The following KRT3 variants were observed in gnomAD, a reference collection of about 807,000 sequenced individuals.
The protein encoded by KRT3 is keratin, type II cytoskeletal 3.
A neutral mutation model predicts 45.8 loss-of-function variants in KRT3; 34 were observed. The ratio of observed to expected loss-of-function variants is 0.74; its 90% CI spans 0.57 to 0.99. KRT3 has a LOEUF of 0.99. KRT3 is among the 50% of genes least tolerant of loss of function. The pLI is 0.00. For synonymous variants in KRT3, 367 were observed against 329.0 expected, an observed-to-expected ratio of 1.12 and a Z score of -1.25; for missense variants, 828 against 820.6, an observed-to-expected ratio of 1.01 and a Z score of -0.11.
chr12:52,793,665 C>G (rs1332041885), intron 2 of KRT3, among the ~76,000 whole-genome samples: 1 of 152,140 alleles, frequency 6.6e-6, no homozygotes, highest in Non-Finnish European at 1.5e-5. Context: ...AATCTTGACT[C>G]ACTGCAACCT....
Position 52,790,827 on chromosome 12 carries a change from TC to T in KRT3, c.1570+10del. 2.5e-6 allele frequency: 4 copies of T among 1,588,112 alleles called. No individual in the cohort carries two copies. Among genetic ancestry groups the T allele is most frequent in the Non-Finnish European group, 3.4e-6 (4 of 1,165,478 alleles). Reference sequence around the variant, plus strand: ...TTAACTCTCATTTTCTTAGCTACTTTCGGTACTTACAGATGCTGACAGCACT... The same window carrying T: ...TTAACTCTCATTTTCTTAGCTACTTTGGTACTTACAGATGCTGACAGCACT... On this transcript the variant is annotated intron_variant, in intron 8 of 8. Transcript: ENST00000417996.
chr12:52,790,177 G>A lies in KRT3; in HGVS notation c.1752C>T (p.Ser584=), dbSNP rs1342920506. 37 of 1,548,228 alleles carry A rather than the reference G, an allele frequency of 2.4e-5. No individual in the cohort carries two copies. Among genetic ancestry groups the A allele is most frequent in the Admixed American group, 3.9e-5 (2 of 50,972 alleles). The change falls in exon 9 of 9, where the codon AGC becomes AGT. Residue 584 remains serine, a synonymous_variant. Coordinates refer to ENST00000417996, the MANE Select transcript of KRT3 (RefSeq NM_057088.3). ...AGATGGAGCCAAAGCCGCTGCCACC[G>A]CTGAAACCGCTGCTGCCGCCGCCAA... is the stretch of plus-strand genomic sequence containing the variant. ...GGFGGGSSGF[S]GGSGFGSISG...
chr12:52,795,514 G>A lies in KRT3; in HGVS notation c.529C>T (p.Gln177Ter). 6.2e-7 allele frequency: 1 copy of A among 1,614,124 alleles called. No homozygotes were observed. Among genetic ancestry groups the A allele is most frequent in the Non-Finnish European group, 8.5e-7 (1 of 1,180,022 alleles). ...PGGIQEVTIN[Q>*]SLLQPLNVEI... ...ACATTGAGGGGCTGCAGGAGACTCT[G>A]GTTGATAGTCACTTCCTGAATTCCC... The change falls in exon 1 of 9, where the codon CAG (glutamine) becomes TAG (stop). Residue 177 changes from glutamine (Q) to a stop codon, truncating the protein, a stop_gained. Transcript: ENST00000417996. LOFTEE classifies it high-confidence loss of function.
chr12:52,795,662 C>T lies in KRT3; in HGVS notation c.381G>A (p.Gly127=), dbSNP rs117364830. The T allele has an allele frequency of 1.3e-6, 2 of 1,527,640 alleles. No individual in the cohort carries two copies. The highest frequency in any genetic ancestry group is 2.5e-5 in the South Asian group (2 of 80,518). The allele number at this position is 1,527,640 out of a possible 1,614,324, so 94.6% of individuals were successfully genotyped here. Residue 127 remains glycine, a synonymous_variant, in exon 1 of 9, where the codon GGG becomes GGA. Coordinates refer to ENST00000417996, the MANE Select transcript of KRT3 (RefSeq NM_057088.3). ...GGFGGAGGFG[G]AGGFGGAGGF... Reference sequence around the variant, plus strand: ...CACCAGCCCCTCCAAAGCCACCAGCCCCTCCAAAGCCACCAGCTCCACCAA... The same window carrying T: ...CACCAGCCCCTCCAAAGCCACCAGCTCCTCCAAAGCCACCAGCTCCACCAA...
rs778798350 is a variant in KRT3 at position 52,791,336 on chromosome 12, C to T, written c.1405G>A (p.Ala469Thr). Residue 469 changes from alanine to threonine, a missense_variant, in exon 7 of 9, where the codon GCT becomes ACT. Ala to Thr is a moderately conservative substitution (Grantham distance 58). Transcript: ENST00000417996. ...DANAKLQELQ[A>T]ALQQAKDDLA... ...TCATCCTTCGCCTGCTGTAGAGCAGCCTGCAGCTCTTGGAGCTTGGCATTG... is the reference window on the plus strand; with the variant it reads ...TCATCCTTCGCCTGCTGTAGAGCAGTCTGCAGCTCTTGGAGCTTGGCATTG... 1 of 1,614,264 alleles carries T rather than the reference C, an allele frequency of 6.2e-7. No individual in the cohort carries two copies. Among genetic ancestry groups the T allele is most frequent in the Non-Finnish European group, 8.5e-7 (1 of 1,180,050 alleles).
In KRT3 at chr12:52,791,399, C is replaced by T. The variant is rs371219499; in HGVS notation, c.1342G>A (p.Glu448Lys). 2.6e-4 allele frequency: 412 copies of T among 1,614,178 alleles called. 3 individuals carry two copies. The highest frequency in any genetic ancestry group is 2.5e-3 in the South Asian group (230 of 91,084). Residue 448 changes from glutamate to lysine, a missense_variant, in exon 7 of 9, where the codon GAG becomes AAG. Physicochemically the swap from Glu to Lys is moderately conservative, Grantham distance 56. Transcript: ENST00000417996. ...QNANLQTAIAEAEQHGEMALK... is the reference protein window; with the variant it reads ...QNANLQTAIAKAEQHGEMALK... Reference sequence around the variant, plus strand: ...GCCATCTCTCCATGCTGCTCGGCCTCGGCAATGGCCGTCTGCAGGTTGGCA... The same window carrying T: ...GCCATCTCTCCATGCTGCTCGGCCTTGGCAATGGCCGTCTGCAGGTTGGCA...
At position 52,790,357 on chromosome 12, in the gene KRT3, G is replaced by A; in HGVS notation, c.1572C>T (p.Ser524=). The A allele has an allele frequency of 6.3e-7, 1 of 1,594,510 alleles. No individual in the cohort carries two copies. The highest frequency in any genetic ancestry group is 1.2e-5 in the South Asian group (1 of 86,892). The change falls in exon 9 of 9, where the codon TCC becomes TCT. Residue 524 remains serine, a splice_region_variant and synonymous_variant. Transcript: ENST00000417996. ...SGECPSAVSI[S]VVSSSTTSAS... ...CGGAAGTCGTGCTGCTGCTGACCAC[G>A]GCTGTGGGGGAGAGGACAGGACAGC...
chr12:52,795,500 C>A lies in KRT3; in HGVS notation c.543G>T (p.Gln181His), dbSNP rs757824527. The part of the protein sequence containing the change: ...QEVTINQSLL[Q>H]PLNVEIDPQI... ...GGGGGTCGATCTCCACATTGAGGGG[C>A]TGCAGGAGACTCTGGTTGATAGTCA... is the stretch of plus-strand genomic sequence containing the variant. The change falls in exon 1 of 9, where the codon CAG becomes CAT. Residue 181 changes from glutamine to histidine, a missense_variant. Coordinates refer to ENST00000417996, the MANE Select transcript of KRT3 (RefSeq NM_057088.3). 3.7e-6 allele frequency: 6 copies of A among 1,614,172 alleles called. No homozygotes were observed. The highest frequency in any genetic ancestry group is 4.5e-5 in the East Asian group (2 of 44,876).
rs1176134264 is a variant in KRT3, at chr12:52,791,516, G to A, written c.1315-90C>T. On this transcript the variant is annotated intron_variant, in intron 6 of 8. Transcript: ENST00000417996. Reference sequence around the variant, plus strand: ...ATGGATTATCCCATCTTAAAGTCAGGGAACATTCCTCCTCCCCTAGTGCCT... The same window carrying A: ...ATGGATTATCCCATCTTAAAGTCAGAGAACATTCCTCCTCCCCTAGTGCCT... 5 of 1,479,384 alleles carry A rather than the reference G, an allele frequency of 3.4e-6. No homozygotes were observed. The Admixed American group carries it at 9.1e-5, about 27-fold the overall frequency. 91.6% of individuals were successfully genotyped at this position (1,479,384 alleles called of 1,614,324 possible). A position where few individuals can be genotyped will look rare whatever the true frequency, so the allele number is the denominator to read the frequency against.
Position 52,790,970 on chromosome 12 carries a change from G to A in KRT3, c.1536-98C>T, listed in dbSNP as rs1939479449. ...TGAATAGCAACCAGAGCTGAACAGA[G>A]AAGCCTGGCAAATCAGGTAAGCTTT... On this transcript the variant is annotated intron_variant, in intron 7 of 8. Coordinates refer to ENST00000417996, the MANE Select transcript of KRT3 (RefSeq NM_057088.3). 3.7e-6 allele frequency: 5 copies of A among 1,339,474 alleles called. No individual in the cohort carries two copies. The Admixed American group carries it at 9.8e-5, about 26-fold the overall frequency. The allele number at this position is 1,339,474 out of a possible 1,614,324, so 83.0% of individuals were successfully genotyped here. A position where few individuals can be genotyped will look rare whatever the true frequency, so the allele number is the denominator to read the frequency against.
Position 52,795,864 on chromosome 12 carries a change from A to C in KRT3, c.179T>G (p.Leu60Arg). The C allele has an allele frequency of 6.2e-7, 1 of 1,614,104 alleles. No individual in the cohort carries two copies. Among genetic ancestry groups the C allele is most frequent in the South Asian group, 1.1e-5 (1 of 91,070 alleles). Residue 60 changes from leucine to arginine, a missense_variant, in exon 1 of 9, where the codon CTG becomes CGG. By Grantham distance (102) the Leu-to-Arg change is moderately radical (BLOSUM62 -2). Transcript: ENST00000417996. ...GATGGAGATGCTCTTGTTGCCGCCC[A>C]GGTTGTAGAGGCTGCGACTGCCAAA... ...GGFGSRSLYN[L>R]GGNKSISISV...
At position 52,789,889 on chromosome 12, in the gene KRT3, G is replaced by A. The variant is rs942003102; in HGVS notation, c.*153C>T. ...GAAATTCTCGTGACTGGGCTTGGCC[G>A]GGGATCTGGAAGGAGGAGCAAGAGG... On this transcript the variant is annotated 3_prime_UTR_variant, in exon 9 of 9. Coordinates refer to ENST00000417996, the MANE Select transcript of KRT3 (RefSeq NM_057088.3). The A allele has an allele frequency of 7.8e-6, 6 of 770,760 alleles. No individual in the cohort carries two copies. The highest frequency in any genetic ancestry group is 1.3e-5 in the Non-Finnish European group (6 of 467,938). 47.7% of individuals were successfully genotyped at this position (770,760 alleles called of 1,614,324 possible).
Position 52,789,873 on chromosome 12 carries a change from G to C in KRT3, c.*169C>G. 1 of 723,678 alleles carries C rather than the reference G, an allele frequency of 1.4e-6. No individual in the cohort carries two copies. The highest frequency in any genetic ancestry group is 2.3e-6 in the Non-Finnish European group (1 of 430,138). The allele number at this position is 723,678 out of a possible 1,614,324, so 44.8% of individuals were successfully genotyped here. On this transcript the variant is annotated 3_prime_UTR_variant, in exon 9 of 9. Coordinates refer to ENST00000417996, the MANE Select transcript of KRT3 (RefSeq NM_057088.3). ...CCGGAGAGAAGAGCCTGAAATTCTC[G>C]TGACTGGGCTTGGCCGGGGATCTGG...
rs150657845 is a variant in KRT3 at position 52,795,835 on chromosome 12, C to A, written c.208G>T (p.Val70Leu). 5.0e-6 allele frequency: 8 copies of A among 1,614,162 alleles called. No individual in the cohort carries two copies. The highest frequency in any genetic ancestry group is 6.8e-6 in the Non-Finnish European group (8 of 1,179,988). The change falls in exon 1 of 9, where the codon GTG becomes TTG. Residue 70 changes from valine (V) to leucine (L), a missense_variant. Val to Leu is a conservative substitution (Grantham distance 32). Coordinates refer to ENST00000417996, the MANE Select transcript of KRT3 (RefSeq NM_057088.3). Reference protein sequence around the residue: ...LGGNKSISISVAAGGSRAGGF... With the variant: ...LGGNKSISISLAAGGSRAGGF... ...CCAGCCCGGGAGCCGCCAGCTGCCA[C>A]GCTGATGGAGATGCTCTTGTTGCCG...
chr12:52,791,126 C>T, intron 7 of KRT3, 80 bp downstream of exon 7: 2 of 1,600,754 alleles, frequency 1.2e-6, no homozygotes, highest in Non-Finnish European at 1.7e-6. Context: ...GGGCTCCATC[C>T]CCAGTTACTT....
At chr12:52,793,687 G>A (rs896084809) in intron 2 of KRT3, among the ~76,000 whole-genome samples, 2 of 152,100 alleles carry the variant, frequency 1.3e-5, no homozygotes, top group African/African-American at 2.4e-5. Context: ...CATTTCCAGG[G>A]TTCAAGAAAT....
chr12:52,795,733 C>A lies in KRT3; in HGVS notation c.310G>T (p.Gly104Cys). 1.2e-6 allele frequency: 2 copies of A among 1,613,144 alleles called. No individual in the cohort carries two copies. The highest frequency in any genetic ancestry group is 1.7e-6 in the Non-Finnish European group (2 of 1,179,210). ...GGGFGSGYGG[G>C]FGGGFGGGRG... ...CCACCACCAAAGCCACCACCAAAGC[C>A]ACCTCCATAGCCGCTCCCAAAGCCA... The change falls in exon 1 of 9, where the codon GGC becomes TGC. Residue 104 changes from glycine (G) to cysteine (C), a missense_variant. Gly to Cys is a radical substitution (Grantham distance 159). Transcript: ENST00000417996.
intron 2 of KRT3, 113 bp from the exon 3 acceptor site, chr12:52,793,336 C>T: frequency 1.4e-6 from 1 of 700,732 alleles, no homozygotes; most frequent in Admixed American, 2.2e-5. Flanking sequence ...CTATCCTGCC[C>T]CTCTCAGATG....
At position 52,791,274 on chromosome 12, in the gene KRT3, C is replaced by T. The variant is rs779076873; in HGVS notation, c.1467G>A (p.Met489Ile). ...ARLLRDYQELMNVKLALDVEI... is the reference protein window; with the variant it reads ...ARLLRDYQELINVKLALDVEI... ...CCACGTCCAGGGCCAGCTTGACATT[C>T]ATCAGCTCCTGGTAGTCACGTAGCA... Residue 489 changes from methionine (M) to isoleucine (I), a missense_variant, in exon 7 of 9, where the codon ATG becomes ATA. Met to Ile is a conservative substitution (Grantham distance 10, BLOSUM62 1). Coordinates refer to ENST00000417996, the MANE Select transcript of KRT3 (RefSeq NM_057088.3). 1.2e-6 allele frequency: 2 copies of T among 1,614,250 alleles called. No homozygotes were observed. The highest frequency in any genetic ancestry group is 1.7e-6 in the Non-Finnish European group (2 of 1,180,028).
Sources: allele counts gnomAD v4.1 joint callset (sites outside exome capture counted in the v4.1 genomes callset), GRCh38; gene constraint gnomAD v4.1.1; transcripts MANE v1.5; gene names NCBI Gene and HGNC (gene_info 2026-07-23, HGNC 2026-07-21).